ARHGAP29: variants seen among roughly 807,000 people sequenced by gnomAD.
ARHGAP29 encodes the protein rho GTPase-activating protein 29.
A neutral mutation model predicts 122.6 loss-of-function variants in ARHGAP29; 43 were observed. The ratio of observed to expected loss-of-function variants is 0.35; its 90% CI spans 0.27 to 0.45. ARHGAP29 has a LOEUF of 0.45. ARHGAP29 is among the 20% of genes least tolerant of loss of function. The pLI, the probability that ARHGAP29 is intolerant of heterozygous loss-of-function variation, is 1.00. For synonymous variants in ARHGAP29, 506 were observed against 497.1 expected, an observed-to-expected ratio of 1.02 and a Z score of -0.24; for missense variants, 1,303 against 1,477.2, an observed-to-expected ratio of 0.88 and a Z score of 1.93.
chr1:94,220,221 T>G (rs1297820008), intron 3 of ARHGAP29, 37 bp downstream of exon 3: 1 of 1,610,454 alleles, frequency 6.2e-7, no homozygotes, highest in Non-Finnish European at 8.5e-7. Context: ...GGCTCCTTTT[T>G]GCCCACAGCA....
chr1:94,238,053 A>ATTTTTTTT (rs71717670), upstream of ARHGAP29, among the ~76,000 whole-genome samples: 1 of 61,008 alleles, frequency 1.6e-5, no homozygotes, highest in Non-Finnish European at 2.8e-5. Flanking sequence ...GCCTATCTGT[A>ATTTTTTTT]TTTTTTTTTT....
At position 94,202,569 on chromosome 1, in the gene ARHGAP29, C is replaced by T; in HGVS notation, c.1118G>A (p.Arg373Lys). The change falls in exon 11 of 23, where the codon AGG becomes AAG. Residue 373 changes from arginine to lysine, a missense_variant. This residue lies in a region of ARHGAP29 where 592 missense variants were observed against 648.2 expected (regional missense o/e 0.91). Coordinates refer to ENST00000260526, the MANE Select transcript of ARHGAP29 (RefSeq NM_004815.4). ...NLNKQLEKKR[R>K]LEEEALQKVE... The stretch of plus-strand genomic sequence containing the variant: ...TTTTTGGAGAGCCTCCTCTTCCAAC[C>T]TTCGCTTTTTTTCTAGTTGCTTGTT... 1 of 1,614,110 alleles carries T rather than the reference C, an allele frequency of 6.2e-7. No homozygotes were observed. The highest frequency in any genetic ancestry group is 8.5e-7 in the Non-Finnish European group (1 of 1,180,030).
intron 12 of ARHGAP29, chr1:94,194,083 A>C (rs1650294037): frequency 6.6e-6 from 1 of 152,208 alleles, no homozygotes; most frequent in Admixed American, 6.5e-5. Context: ...GACTGTAAAA[A>C]AATTAAGTGT....
chr1:94,295,615 G>A, the ARHGAP29 span, among the ~76,000 whole-genome samples: 4 of 152,086 alleles, frequency 2.6e-5, no homozygotes, highest in African/African-American at 2.4e-5. Flanking sequence ...GGATACTTCC[G>A]TGTGCTTATA....
chr1:94,188,909 T>A lies in ARHGAP29; in HGVS notation c.1609A>T (p.Met537Leu). The A allele has an allele frequency of 2.5e-6, 4 of 1,613,102 alleles. No individual in the cohort carries two copies. Among genetic ancestry groups the A allele is most frequent in the Non-Finnish European group, 3.4e-6 (4 of 1,179,306 alleles). The change falls in exon 15 of 23, where the codon ATG becomes TTG. Residue 537 changes from methionine (M) to leucine (L), a missense_variant. Met to Leu is a conservative substitution (Grantham distance 15, BLOSUM62 2). Transcript: ENST00000260526. ...CCAGTGCTCTCAGAATCACTAAACATCCCAAATGTCCATGATCTTATAAAG... is the reference window on the plus strand; with the variant it reads ...CCAGTGCTCTCAGAATCACTAAACAACCCAAATGTCCATGATCTTATAAAG... ...PSFIRSWTFG[M>L]FSDSESTGGS...
At chr1:94,248,106 C>G (rs560012152) in intron 1 of ARHGAP29, 1 of 152,342 alleles carries the variant, frequency 6.6e-6, no homozygotes, top group African/African-American at 2.4e-5. Context: ...CCGTCTTCCT[C>G]CACCCTTCTT....
chr1:94,282,299 AT>A, the ARHGAP29 span, among the ~76,000 whole-genome samples: 1 of 119,940 alleles, frequency 8.3e-6, no homozygotes, highest in African/African-American at 3.0e-5. Flanking sequence ...TTATTTATTT[AT>A]TTTTGAGACG....
intron 1 of ARHGAP29, among the ~76,000 whole-genome samples, chr1:94,236,971 C>T (rs1422042155): frequency 2.6e-5 from 4 of 152,158 alleles, no homozygotes; most frequent in African/African-American, 9.7e-5. Context: ...CTGACGCTGC[C>T]AACCACTAGT....
chr1:94,223,117 T>C (rs1652414009), intron 2 of ARHGAP29, among the ~76,000 whole-genome samples: 1 of 152,142 alleles, frequency 6.6e-6, no homozygotes, highest in Non-Finnish European at 1.5e-5. Context: ...CTAATTTTTT[T>C]GTATTTTTAG....
intron 11 of ARHGAP29, chr1:94,202,166 A>G (rs1352538532): frequency 2.2e-6 from 1 of 449,242 alleles, no homozygotes; most frequent in East Asian, 3.7e-5. Flanking sequence ...CATTTCATCA[A>G]TAATACAAAG....
intron 2 of ARHGAP29, among the ~76,000 whole-genome samples, chr1:94,221,365 A>G (rs1339304006): frequency 6.6e-6 from 1 of 151,846 alleles, no homozygotes; most frequent in East Asian, 1.9e-4. Flanking sequence ...TTGGTGTTTA[A>G]TAAGAGTTAA....
chr1:94,201,575 G>A (rs565692236), intron 12 of ARHGAP29, 145 bp downstream of exon 12: 7 of 649,024 alleles, frequency 1.1e-5, no homozygotes, highest in South Asian at 7.7e-5. Context: ...AATCATAATC[G>A]AAGCTCACTA....
intron 3 of ARHGAP29, among the ~76,000 whole-genome samples, chr1:94,218,259 A>G (rs866419606): frequency 6.6e-6 from 1 of 152,232 alleles, no homozygotes; most frequent in African/African-American, 2.4e-5. Flanking sequence ...AGTCTCATAG[A>G]GTTCTACCAA....
rs2101308912 is a variant in ARHGAP29 at position 94,173,764 on chromosome 1, G to A, written c.*105C>T. 5.9e-6 allele frequency: 8 copies of A among 1,357,004 alleles called. No homozygotes were observed. The highest frequency in any genetic ancestry group is 7.0e-6 in the Non-Finnish European group (7 of 1,003,550). The allele number at this position is 1,357,004 out of a possible 1,614,324, so 84.1% of individuals were successfully genotyped here. ...AACAAAAGGCAAAACCCATGATTTG[G>A]CAGTCCTATACAAAAGAGGCCCTGT... On this transcript the variant is annotated 3_prime_UTR_variant, in exon 23 of 23. Coordinates refer to ENST00000260526, the MANE Select transcript of ARHGAP29 (RefSeq NM_004815.4).
chr1:94,256,673 C>T (rs1053491410), intron 1 of ARHGAP29, among the ~76,000 whole-genome samples: 4 of 149,248 alleles, frequency 2.7e-5, no homozygotes, highest in African/African-American at 9.8e-5. Context: ...ATTCTCCTGC[C>T]TCAGCCTCCC....
chr1:94,182,909 C>T (rs1333329269), intron 19 of ARHGAP29, among the ~76,000 whole-genome samples: 1 of 152,040 alleles, frequency 6.6e-6, no homozygotes, highest in Non-Finnish European at 1.5e-5. Context: ...AAGAGATACC[C>T]CAGGATGGCA....
intron 13 of ARHGAP29, 33 bp downstream of exon 13, chr1:94,189,893 T>G (rs961549476): frequency 1.2e-6 from 2 of 1,602,012 alleles, no homozygotes; most frequent in Non-Finnish European, 1.7e-6. Context: ...GTTTTATATT[T>G]TGAAATAATT....
At position 94,203,121 on chromosome 1, in the gene ARHGAP29, G is replaced by A; in HGVS notation, c.852C>T (p.Leu284=). 1 of 1,612,932 alleles carries A rather than the reference G, an allele frequency of 6.2e-7. No homozygotes were observed. Among genetic ancestry groups the A allele is most frequent in the Non-Finnish European group, 8.5e-7 (1 of 1,179,506 alleles). The change falls in exon 9 of 23, where the codon CTC becomes CTT. Residue 284 remains leucine, a synonymous_variant. Coordinates refer to ENST00000260526, the MANE Select transcript of ARHGAP29 (RefSeq NM_004815.4). The part of the protein sequence containing the change: ...SHLLQQTIAA[L]QANKFVQPLL... ...TTACCTGCACAAATTTGTTAGCCTG[G>A]AGAGCTGCAATTGTTTGTTGTAAAA...
At chr1:94,307,620 A>G in the ARHGAP29 span, among the ~76,000 whole-genome samples, 27 of 152,364 alleles carry the variant, frequency 1.8e-4, no homozygotes, top group Admixed American at 4.6e-4. Flanking sequence ...TCAATGGCAC[A>G]GACCAGAGAC....
Sources: allele counts gnomAD v4.1 joint callset (sites outside exome capture counted in the v4.1 genomes callset), GRCh38; gene constraint gnomAD v4.1.1; regional missense constraint gnomAD v4.1.1; transcripts MANE v1.5; gene names NCBI Gene and HGNC (gene_info 2026-07-23, HGNC 2026-07-21).